ERBB4: variants seen among roughly 807,000 people sequenced by gnomAD.
ERBB4 encodes the protein erb-b2 receptor tyrosine kinase 4, also known as receptor tyrosine-protein kinase erbB-4.
Under a neutral mutation model 158.0 loss-of-function variants are expected in ERBB4, and 42 were observed. That is an observed-to-expected ratio of 0.27 (90% confidence interval 0.21 to 0.34). The LOEUF (loss-of-function observed/expected upper bound fraction) is 0.34, where lower values mean the gene tolerates loss of function less well. Among genes scored for constraint, ERBB4 ranks in the 10% least tolerant of loss-of-function variants. The pLI is 1.00. For synonymous variants in ERBB4, 583 were observed against 558.7 expected (o/e 1.04, Z -0.61); for missense variants, 1,333 against 1,624.1 (o/e 0.82, Z 3.08).
chr2:212,254,382 G>A (rs977855705), intron 1 of ERBB4, among the ~76,000 whole-genome samples: 3 of 152,152 alleles, frequency 2.0e-5, no homozygotes, highest in African/African-American at 7.2e-5. Flanking sequence ...TCACACCACA[G>A]AGGAAACAAA....
intron 1 of ERBB4, among the ~76,000 whole-genome samples, chr2:212,235,523 G>C (rs1307574588): frequency 6.6e-6 from 1 of 152,180 alleles, no homozygotes; most frequent in Non-Finnish European, 1.5e-5. Flanking sequence ...ATGGTAGCTT[G>C]ATGGGGATGG....
chr2:211,646,589 T>G (rs1286596215), intron 16 of ERBB4, among the ~76,000 whole-genome samples: 2 of 151,734 alleles, frequency 1.3e-5, no homozygotes, highest in Non-Finnish European at 3.0e-5. Flanking sequence ...CATGATGTAC[T>G]GATTTACTAG....
intron 1 of ERBB4, among the ~76,000 whole-genome samples, chr2:212,432,040 A>C (rs1039101149): frequency 1.3e-5 from 2 of 152,162 alleles, no homozygotes; most frequent in Non-Finnish European, 2.9e-5. Flanking sequence ...ATTGTTTTCC[A>C]ATGATTAGAG....
intron 1 of ERBB4, among the ~76,000 whole-genome samples, chr2:212,413,118 C>G (rs1254172576): frequency 1.3e-5 from 2 of 151,034 alleles, no homozygotes; most frequent in African/African-American, 4.9e-5. Flanking sequence ...CAGGCACACA[C>G]CACCATGCGT....
At chr2:212,226,154 G>GACCCC (rs2083460858) in intron 1 of ERBB4, among the ~76,000 whole-genome samples, 1 of 152,070 alleles carries the variant, frequency 6.6e-6, no homozygotes, top group South Asian at 2.1e-4. Flanking sequence ...ATATGGCTAG[G>GACCCC]ACCCCAGAAT....
chr2:211,615,844 A>G (rs2069365899), intron 19 of ERBB4, among the ~76,000 whole-genome samples: 1 of 152,050 alleles, frequency 6.6e-6, no homozygotes, highest in Admixed American at 6.6e-5. Context: ...TTGAATCTAG[A>G]ATATTCTATT....
At chr2:212,014,502 TA>T (rs904015499) in intron 2 of ERBB4, among the ~76,000 whole-genome samples, 11 of 152,070 alleles carry the variant, frequency 7.2e-5, no homozygotes, top group African/African-American at 2.4e-4. Context: ...AGGTAGATGC[TA>T]AAAAAAATAG....
At chr2:212,516,792 G>A (rs1691870772) in intron 1 of ERBB4, among the ~76,000 whole-genome samples, 1 of 152,064 alleles carries the variant, frequency 6.6e-6, no homozygotes, top group African/African-American at 2.4e-5. Flanking sequence ...ATTGAATTAA[G>A]GAGCTAGGGC....
chr2:211,580,803 TATATATATAATATATATATATTATA>T lies in ERBB4; in HGVS notation c.2302-18740_2302-18716del, dbSNP rs1559317017. 2.3e-3 allele frequency among the ~76,000 whole-genome samples: 144 copies of T among 63,240 alleles called. 14 individuals are homozygous for T. The African/African-American group carries it at 0.023, about 10-fold the overall frequency. 41.5% of individuals were successfully genotyped at this position (63,240 alleles called of 152,430 possible). ...AGAAATTGTGATATATATATATATA[TATATATATAATATATATATATTATA>T]TATATAGATTATATATTATATATAT... On this transcript the variant is annotated intron_variant, in intron 19 of 27. Coordinates refer to ENST00000342788, the MANE Select transcript of ERBB4 (RefSeq NM_005235.3).
At chr2:211,701,346 C>G (rs3923755) in intron 12 of ERBB4, among the ~76,000 whole-genome samples, 89,279 of 151,932 alleles carry the variant, frequency 0.59, 27,015 homozygotes, top group African/African-American at 0.71. Context: ...TCAATAGGGT[C>G]GATCTCCACA....
chr2:212,191,892 A>G (rs560390502), intron 1 of ERBB4, among the ~76,000 whole-genome samples: 3 of 111,122 alleles, frequency 2.7e-5, no homozygotes, highest in Non-Finnish European at 5.2e-5. Context: ...GTTACATGTT[A>G]TATATTATAT....
At chr2:211,655,253 A>G (rs183008173) in intron 16 of ERBB4, among the ~76,000 whole-genome samples, 27 of 152,194 alleles carry the variant, frequency 1.8e-4, no homozygotes, top group Admixed American at 1.8e-3. Context: ...TTAGGTACAG[A>G]TCAAAGCTCC....
At chr2:212,087,188 C>T (rs1478044533) in intron 2 of ERBB4, among the ~76,000 whole-genome samples, 1 of 151,992 alleles carries the variant, frequency 6.6e-6, no homozygotes, top group Non-Finnish European at 1.5e-5. Flanking sequence ...CACACACACA[C>T]ACACAAATAT....
chr2:211,785,147 G>T lies in ERBB4; in HGVS notation c.556+2878C>A, dbSNP rs996890824. 5.4e-5 allele frequency among the ~76,000 whole-genome samples: 8 copies of T among 149,292 alleles called. No individual in the cohort carries two copies. In the Admixed American group the frequency reaches 5.4e-4, roughly 10 times the overall value. ...AGACGGAGTCTCACTCTGTCCCCAGGCTGGAGTGCAGTGGTGCCATCTCGG... is the reference window on the plus strand; with the variant it reads ...AGACGGAGTCTCACTCTGTCCCCAGTCTGGAGTGCAGTGGTGCCATCTCGG... On this transcript the variant is annotated intron_variant, in intron 4 of 27. Transcript: ENST00000342788.
At chr2:212,265,245 C>T (rs780062818) in intron 1 of ERBB4, among the ~76,000 whole-genome samples, 50 of 152,082 alleles carry the variant, frequency 3.3e-4, no homozygotes, top group Non-Finnish European at 6.5e-4. Context: ...TGCCATGGTA[C>T]GTGTATACAC....
At chr2:211,525,411 G>T (rs1410142551) in intron 20 of ERBB4, among the ~76,000 whole-genome samples, 2 of 152,146 alleles carry the variant, frequency 1.3e-5, no homozygotes, top group African/African-American at 2.4e-5. Flanking sequence ...GGTCTTAGCA[G>T]CCAAATGACA....
At chr2:212,111,133 G>C (rs768051091) in intron 2 of ERBB4, among the ~76,000 whole-genome samples, 1 of 152,134 alleles carries the variant, frequency 6.6e-6, no homozygotes, top group Non-Finnish European at 1.5e-5. Flanking sequence ...CTGCCTGGAC[G>C]ACACATCTGC....
intron 1 of ERBB4, among the ~76,000 whole-genome samples, chr2:212,441,012 A>C (rs2092242939): frequency 6.6e-6 from 1 of 152,170 alleles, no homozygotes; most frequent in Non-Finnish European, 1.5e-5. Flanking sequence ...ATTGTGGAAA[A>C]ATAGACATGC....
chr2:212,284,420 C>T (rs1221332062), intron 1 of ERBB4, among the ~76,000 whole-genome samples: 1 of 152,046 alleles, frequency 6.6e-6, no homozygotes, highest in Non-Finnish European at 1.5e-5. Flanking sequence ...GTTGCATTGT[C>T]TTTTACCAGC....
Sources: gnomAD v4.1 joint callset for allele counts (sites outside exome capture counted in the v4.1 genomes callset) on GRCh38, gnomAD v4.1.1 for gene constraint, MANE v1.5 for transcripts, NCBI Gene and HGNC (gene_info 2026-07-23, HGNC 2026-07-21) for gene names.